TCF4: variants seen among roughly 807,000 people sequenced by gnomAD.
The protein encoded by TCF4 is transcription factor 4.
Under a neutral mutation model 82.1 loss-of-function variants are expected in TCF4, and 3 were observed. That is an observed-to-expected ratio of 0.04 (90% CI 0.02 to 0.09). The LOEUF is 0.09. Ranked by LOEUF, TCF4 falls within the 10% of genes least tolerant of loss-of-function variation. The probability of loss-of-function intolerance (pLI) is 1.00; values close to 1 mark genes in which losing one functional copy is unlikely to be tolerated. For synonymous variants in TCF4, 276 were observed against 309.6 expected (o/e 0.89, Z 1.14); for missense variants, 518 against 852.7 (o/e 0.61, Z 4.89).
chr18:55,402,131 T>A (rs1447621468), intron 6 of TCF4: 1 of 985,344 alleles, frequency 1.0e-6, no homozygotes, highest in African/African-American at 1.7e-5. Flanking sequence ...CAAACTGCCA[T>A]GAACTGCACT....
intron 3 of TCF4, among the ~76,000 whole-genome samples, chr18:55,467,300 C>T (rs1019697321): frequency 6.6e-6 from 1 of 152,076 alleles, no homozygotes; most frequent in East Asian, 1.9e-4. Context: ...TCAGGCCTGC[C>T]CCTTAGTTAG....
chr18:55,303,983 G>A (rs955226390), intron 8 of TCF4, among the ~76,000 whole-genome samples: 2 of 152,066 alleles, frequency 1.3e-5, no homozygotes, highest in Non-Finnish European at 2.9e-5. Context: ...TCCTTTCTAC[G>A]GTGTAAACAT....
chr18:55,463,990 G>A (rs951141634), intron 4 of TCF4, 86 bp downstream of exon 4: 1 of 1,231,768 alleles, frequency 8.1e-7, no homozygotes, highest in African/African-American at 1.5e-5. Context: ...GAGAGAGAGA[G>A]AGAGAGAGAG....
intron 6 of TCF4, chr18:55,401,438 A>T (rs981598585): frequency 2.8e-6 from 3 of 1,066,636 alleles, no homozygotes; most frequent in Admixed American, 4.9e-5. Flanking sequence ...TAAGAAAAGC[A>T]TATGCAGTCA....
At chr18:55,444,826 C>T (rs2095498545) in intron 5 of TCF4, among the ~76,000 whole-genome samples, 2 of 152,182 alleles carry the variant, frequency 1.3e-5, no homozygotes, top group Admixed American at 1.3e-4. Flanking sequence ...ACCTTAATCC[C>T]CCATGACCTA....
chr18:55,621,716 TA>T lies in TCF4; in HGVS notation c.286+9581del, dbSNP rs1158945919. Among the ~76,000 whole-genome samples the T allele has an allele frequency of 9.0e-5, 8 of 88,648 alleles. No homozygotes were observed. In the South Asian group the frequency reaches 1.7e-3, roughly 19 times the overall value. The allele number at this position is 88,648 out of a possible 152,430, so 58.2% of individuals were successfully genotyped here. A position where few individuals can be genotyped will look rare whatever the true frequency, so the allele number is the denominator to read the frequency against. On this transcript the variant is annotated intron_variant, in intron 2 of 20. Coordinates refer to the TCF4 transcript ENST00000398339. ...TATATAATATATATTATATAATATATAATTATATTTATAATTATACAATTGT... is the reference window on the plus strand; with the variant it reads ...TATATAATATATATTATATAATATATATTATATTTATAATTATACAATTGT...
In TCF4 at chr18:55,388,939, C is replaced by T. The variant is rs549159771; in HGVS notation, c.369+14515G>A. ...GAGATTGAGACCATCCTGGCTAACACGGTGAAACCCCATCTCTACTAAAAA... is the reference window on the plus strand; with the variant it reads ...GAGATTGAGACCATCCTGGCTAACATGGTGAAACCCCATCTCTACTAAAAA... On this transcript the variant is annotated intron_variant, in intron 6 of 19. Coordinates refer to ENST00000354452, the MANE Select transcript of TCF4 (RefSeq NM_001083962.2). Among the ~76,000 whole-genome samples, 11 of 151,798 alleles carry T rather than the reference C, an allele frequency of 7.2e-5. No individual in the cohort carries two copies. In the South Asian group the frequency reaches 1.7e-3, roughly 23 times the overall value.
intron 8 of TCF4, among the ~76,000 whole-genome samples, chr18:55,344,039 G>T (rs2080617760): frequency 6.6e-6 from 1 of 152,178 alleles, no homozygotes; most frequent in Non-Finnish European, 1.5e-5. Context: ...TATGGATTCT[G>T]CCTTAAGAAA....
chr18:55,282,918 A>G (rs1299516807), intron 8 of TCF4, among the ~76,000 whole-genome samples: 7 of 151,884 alleles, frequency 4.6e-5, no homozygotes, highest in Non-Finnish European at 2.9e-5. Flanking sequence ...GAAGTGTGAA[A>G]CTTTTGTTGC....
chr18:55,438,007 C>T (rs2095364699), intron 5 of TCF4, among the ~76,000 whole-genome samples: 1 of 152,076 alleles, frequency 6.6e-6, no homozygotes, highest in Admixed American at 6.6e-5. Context: ...TTGAGACCAG[C>T]CTGGCCAACA....
chr18:55,236,106 C>T (rs949145731), intron 15 of TCF4, among the ~76,000 whole-genome samples: 2 of 151,028 alleles, frequency 1.3e-5, no homozygotes, highest in African/African-American at 4.9e-5. Context: ...TGCACTCCAA[C>T]TTTTTTTTAA....
rs147932915 is a variant in TCF4, at chr18:55,540,975, C to T, written c.145+44305G>A. On this transcript the variant is annotated intron_variant, in intron 3 of 19. Transcript: ENST00000354452. ...TTTAAGAATAAGACTTCAGCCATTG[C>T]TAAGGTAATTGTGTGTTTGTGCCCA... Among the ~76,000 whole-genome samples the T allele has an allele frequency of 6.2e-3, 943 of 152,058 alleles. 7 individuals are homozygous for T. The highest frequency in any genetic ancestry group is 9.6e-3 in the Non-Finnish European group (650 of 67,858).
At chr18:55,316,444 G>C (rs1304821007) in intron 8 of TCF4, among the ~76,000 whole-genome samples, 1 of 152,002 alleles carries the variant, frequency 6.6e-6, no homozygotes, top group East Asian at 1.9e-4. Context: ...CTTAGTGGCA[G>C]AGCAGTAATA....
At chr18:55,357,861 C>T (rs754419896) in intron 6 of TCF4, among the ~76,000 whole-genome samples, 11 of 152,162 alleles carry the variant, frequency 7.2e-5, no homozygotes, top group Non-Finnish European at 1.6e-4. Flanking sequence ...CAAAGTGTCC[C>T]GCTAACAATC....
At chr18:55,572,420 G>A (rs1200257647) in intron 3 of TCF4, among the ~76,000 whole-genome samples, 2 of 152,178 alleles carry the variant, frequency 1.3e-5, no homozygotes. Context: ...AGAAAATGGA[G>A]TGAGGAGGGA....
rs569575011 is a variant in TCF4 at position 55,471,204 on chromosome 18, T to C, written c.146-7067A>G. 4.6e-5 allele frequency among the ~76,000 whole-genome samples: 7 copies of C among 152,240 alleles called. No homozygotes were observed. The East Asian group carries it at 7.7e-4, about 17-fold the overall frequency. ...TCAAATTTGAGTACTATTACAGACATAGGAAGAGTTGAGGAGATTCAAATA... is the reference window on the plus strand; with the variant it reads ...TCAAATTTGAGTACTATTACAGACACAGGAAGAGTTGAGGAGATTCAAATA... On this transcript the variant is annotated intron_variant, in intron 3 of 19. Coordinates refer to ENST00000354452, the MANE Select transcript of TCF4 (RefSeq NM_001083962.2).
At chr18:55,608,155 A>T (rs1422270046) in intron 2 of TCF4, among the ~76,000 whole-genome samples, 2 of 152,192 alleles carry the variant, frequency 1.3e-5, no homozygotes, top group Non-Finnish European at 2.9e-5. Context: ...GCACTTTAGG[A>T]AAATTCTCAA....
chr18:55,588,158 C>A lies in TCF4; in HGVS notation c.-141G>T. 3 of 1,034,644 alleles carry A rather than the reference C, an allele frequency of 2.9e-6. No homozygotes were observed. Among genetic ancestry groups the A allele is most frequent in the Non-Finnish European group, 3.5e-6 (3 of 864,658 alleles). The allele number at this position is 1,034,644 out of a possible 1,614,324, so 64.1% of individuals were successfully genotyped here. On this transcript the variant is annotated 5_prime_UTR_variant, in exon 1 of 20. Coordinates refer to ENST00000354452, the MANE Select transcript of TCF4 (RefSeq NM_001083962.2). Reference sequence around the variant, plus strand: ...CCCGCTCCCGCGCCTGCTGCCTCCCCGCCGCCGCCGCCGCCGCCGCCACTA... The same window carrying A: ...CCCGCTCCCGCGCCTGCTGCCTCCCAGCCGCCGCCGCCGCCGCCGCCACTA...
At chr18:55,419,603 T>C (rs563265469) in intron 5 of TCF4, among the ~76,000 whole-genome samples, 17 of 152,340 alleles carry the variant, frequency 1.1e-4, no homozygotes, top group Admixed American at 9.2e-4. Context: ...AGGCAGTGGC[T>C]CATGAGTAAT....
Sources: gnomAD v4.1 joint callset for allele counts (sites outside exome capture counted in the v4.1 genomes callset) on GRCh38, gnomAD v4.1.1 for gene constraint, MANE v1.5 for transcripts, NCBI Gene and HGNC (gene_info 2026-07-23, HGNC 2026-07-21) for gene names.